PKNOX2: variants seen among roughly 807,000 people sequenced by gnomAD.
The protein encoded by PKNOX2 is PBX/knotted 1 homeobox 2.
PKNOX2 carries 14 observed loss-of-function variants against 53.1 expected under a neutral mutation model. The ratio of observed to expected loss-of-function variants is 0.26; its 90% CI spans 0.17 to 0.41. The LOEUF (loss-of-function observed/expected upper bound fraction) is 0.41, where lower values mean the gene tolerates loss of function less well. Ranked by LOEUF, PKNOX2 falls within the 10% of genes least tolerant of loss-of-function variation. The pLI, the probability that PKNOX2 is intolerant of heterozygous loss-of-function variation, is 1.00. For missense variants in PKNOX2, 496 were observed against 602.8 expected (o/e 0.82, Z 1.85); for synonymous variants, 257 against 242.8 (o/e 1.06, Z -0.54).
chr11:125,190,957 T>C (rs1424801937), intron 1 of PKNOX2: 1 of 152,228 alleles, frequency 6.6e-6, no homozygotes, highest in Non-Finnish European at 1.5e-5. Context: ...CAATTTCACT[T>C]TTTGTTTTCA....
chr11:125,244,286 C>T (rs1565478005), intron 2 of PKNOX2, among the ~76,000 whole-genome samples: 2 of 152,248 alleles, frequency 1.3e-5, no homozygotes, highest in Non-Finnish European at 2.9e-5. Flanking sequence ...GGCCCTCAGC[C>T]AGCTGGGCAG....
intron 1 of PKNOX2, among the ~76,000 whole-genome samples, chr11:125,234,768 G>T (rs1212644586): frequency 2.6e-5 from 4 of 152,118 alleles, no homozygotes; most frequent in Non-Finnish European, 4.4e-5. Context: ...TAGTCCTATA[G>T]GGAAGGGGAA....
At chr11:125,408,240 G>T (rs1220826100) in intron 7 of PKNOX2, among the ~76,000 whole-genome samples, 1 of 152,210 alleles carries the variant, frequency 6.6e-6, no homozygotes, top group Non-Finnish European at 1.5e-5. Flanking sequence ...TGGCTTCCAG[G>T]GGCTCTTCCA....
At chr11:125,169,345 T>C (rs1955116551) in intron 1 of PKNOX2, among the ~76,000 whole-genome samples, 3 of 152,288 alleles carry the variant, frequency 2.0e-5, no homozygotes, top group Non-Finnish European at 4.4e-5. Context: ...AAGCAGAATT[T>C]AGAGGGAGGA....
At chr11:125,189,461 A>G (rs1430778547) in intron 1 of PKNOX2, among the ~76,000 whole-genome samples, 35 of 102,904 alleles carry the variant, frequency 3.4e-4, no homozygotes, top group African/African-American at 1.3e-3. Context: ...ATATATATAT[A>G]TATATATATA....
intron 2 of PKNOX2, among the ~76,000 whole-genome samples, chr11:125,300,421 G>A (rs2135953698): frequency 6.6e-6 from 1 of 152,314 alleles, no homozygotes; most frequent in East Asian, 1.9e-4. Context: ...AGGCCATTGA[G>A]GCAGAGAGAG....
At chr11:125,416,075 G>A (rs979799568) in intron 10 of PKNOX2, among the ~76,000 whole-genome samples, 3 of 151,934 alleles carry the variant, frequency 2.0e-5, no homozygotes, top group Middle Eastern at 3.4e-3. Flanking sequence ...AGGCCGAGGC[G>A]GGCGGATCAC....
chr11:125,423,161 C>T (rs1055989381), intron 10 of PKNOX2, among the ~76,000 whole-genome samples: 1 of 152,080 alleles, frequency 6.6e-6, no homozygotes, highest in Admixed American at 6.5e-5. Flanking sequence ...AATTATCTCT[C>T]CCATTTTACA....
rs541642114 is a variant in PKNOX2 at position 125,165,304 on chromosome 11, C to A, written c.-201+528C>A. On this transcript the variant is annotated intron_variant, in intron 1 of 12. Transcript: ENST00000298282. The surrounding 1 kb of genome is among the most constrained non-coding windows in gnomAD (Gnocchi z 4.5). ...TGTGCGCCAGGAGCGCCAGGGGACC[C>A]GAGAATAGGAACAGGCACGCCGGCC... 1.3e-5 allele frequency among the ~76,000 whole-genome samples: 2 copies of A among 152,016 alleles called. No homozygotes were observed. The highest frequency in any genetic ancestry group is 2.9e-5 in the Non-Finnish European group (2 of 67,970).
At chr11:125,272,924 C>T (rs974227583) in intron 2 of PKNOX2, among the ~76,000 whole-genome samples, 1 of 152,208 alleles carries the variant, frequency 6.6e-6, no homozygotes, top group Non-Finnish European at 1.5e-5. Flanking sequence ...CGGGTCTGGC[C>T]GAAGCGCAGG....
At chr11:125,220,858 G>T (rs1941070901) in intron 1 of PKNOX2, among the ~76,000 whole-genome samples, 1 of 152,186 alleles carries the variant, frequency 6.6e-6, no homozygotes, top group African/African-American at 2.4e-5. Flanking sequence ...TCGCCACTGG[G>T]TCAGTACGTC....
Position 125,165,146 on chromosome 11 carries a change from CCCGCCGCCGCCG to C in PKNOX2, c.-201+382_-201+393del, listed in dbSNP as rs538787205. 2.7e-5 allele frequency among the ~76,000 whole-genome samples: 4 copies of C among 147,884 alleles called. No individual in the cohort carries two copies. The highest frequency in any genetic ancestry group is 4.5e-5 in the Non-Finnish European group (3 of 66,472). On this transcript the variant is annotated intron_variant, in intron 1 of 12. Coordinates refer to ENST00000298282, the MANE Select transcript of PKNOX2 (RefSeq NM_001382323.2). The surrounding 1 kb of genome is among the most constrained non-coding windows in gnomAD (Gnocchi z 4.5). ...CTCCCCTGCCCGGCCAGCGCTCAGCCCCGCCGCCGCCGCCGCCGCCGCCTCGCCGCGCTTGGG... is the reference window on the plus strand; with the variant it reads ...CTCCCCTGCCCGGCCAGCGCTCAGCCCCGCCGCCGCCTCGCCGCGCTTGGG...
At chr11:125,394,435 T>G (rs1464786392) in intron 6 of PKNOX2, among the ~76,000 whole-genome samples, 1 of 152,196 alleles carries the variant, frequency 6.6e-6, no homozygotes, top group Non-Finnish European at 1.5e-5. Flanking sequence ...CTTTCTGTCT[T>G]TGAGTGACAC....
intron 2 of PKNOX2, among the ~76,000 whole-genome samples, chr11:125,313,345 C>A (rs1394672364): frequency 2.6e-5 from 4 of 152,088 alleles, no homozygotes; most frequent in Non-Finnish European, 5.9e-5. Flanking sequence ...CAGGTGACAT[C>A]CTACCTCATT....
chr11:125,228,197 G>A (rs942133403), intron 1 of PKNOX2, among the ~76,000 whole-genome samples: 1 of 152,216 alleles, frequency 6.6e-6, no homozygotes, highest in Non-Finnish European at 1.5e-5. Flanking sequence ...GAGCCGTCCA[G>A]TATGACAGCC....
rs182007869 is a variant in PKNOX2 at position 125,272,660 on chromosome 11, G to A, written c.-130+37545G>A. Among the ~76,000 whole-genome samples, 12 of 152,226 alleles carry A rather than the reference G, an allele frequency of 7.9e-5. No homozygotes were observed. The South Asian group carries it at 1.2e-3, about 16-fold the overall frequency. On this transcript the variant is annotated intron_variant, in intron 2 of 12. Transcript: ENST00000298282. ...ATGTTCTTTACGCTTTGATCGTGTC[G>A]CGTAAAGAGGGCACAGGGACAGCTC...
In PKNOX2 at chr11:125,370,872, A is replaced by G. The variant is rs568390975; in HGVS notation, c.227+2887A>G. On this transcript the variant is annotated intron_variant, in intron 5 of 12. Transcript: ENST00000298282. This position sits in a 1 kb window ranked among gnomAD's most constrained non-coding sequence, Gnocchi z 4.1. ...CAATAAGTGTAACCAGACCCTTTCC[A>G]TTCAGATGAGTGCCCCACACTGGCT... 6.6e-6 allele frequency among the ~76,000 whole-genome samples: 1 copy of G among 152,274 alleles called. No individual in the cohort carries two copies. Among genetic ancestry groups the G allele is most frequent in the Admixed American group, 6.5e-5 (1 of 15,302 alleles).
intron 1 of PKNOX2, among the ~76,000 whole-genome samples, chr11:125,173,341 G>A (rs909979196): frequency 6.6e-6 from 1 of 152,224 alleles, no homozygotes; most frequent in Non-Finnish European, 1.5e-5. Context: ...GGGGCTCAGA[G>A]AGTGGCTAAA....
chr11:125,351,461 C>A, intron 4 of PKNOX2, 69 bp downstream of exon 4: 1 of 997,610 alleles, frequency 1.0e-6, no homozygotes, highest in Non-Finnish European at 1.5e-6. Context: ...GCCCCAGCTG[C>A]AGGCTGGGAC....
Sources: gnomAD v4.1 joint callset for allele counts (sites outside exome capture counted in the v4.1 genomes callset) on GRCh38, gnomAD v4.1.1 for gene constraint, Gnocchi (gnomAD v3.1) non-coding constraint, MANE v1.5 for transcripts, NCBI Gene and HGNC (gene_info 2026-07-23, HGNC 2026-07-21) for gene names.